The following MAU2 variants were observed in gnomAD, a reference collection of about 807,000 sequenced individuals.
MAU2 encodes MAU2 chromatid cohesion factor homolog.
Under a neutral mutation model 89.1 loss-of-function variants are expected in MAU2, and 9 were observed. The observed-to-expected ratio is 0.10, with a 90% confidence interval of 0.06 to 0.18. The LOEUF (loss-of-function observed/expected upper bound fraction) is 0.18, where lower values mean the gene tolerates loss of function less well. Ranked by LOEUF, MAU2 falls within the 10% of genes least tolerant of loss-of-function variation. The pLI is 1.00. For missense variants in MAU2, 425 were observed against 803.5 expected (o/e 0.53, Z 5.69); for synonymous variants, 357 against 343.4 (o/e 1.04, Z -0.44).
At chr19:19,344,585 G>T in intron 10 of MAU2, 1 of 550,734 alleles carries the variant, frequency 1.8e-6, no homozygotes, top group Non-Finnish European at 3.3e-6. Context: ...GGGCATGGGG[G>T]CCCTCAGTAG....
rs1044635875 is a variant in MAU2 at position 19,334,294 on chromosome 19, A to G, written c.277-1424A>G. On this transcript the variant is annotated intron_variant, in intron 1 of 18. Coordinates refer to ENST00000262815, the MANE Select transcript of MAU2 (RefSeq NM_015329.4). ...CACAAGAGGGGACCACAGGAGGCAGACGCTTGGGCTGGCAGAGGGCCTGTG... is the reference window on the plus strand; with the variant it reads ...CACAAGAGGGGACCACAGGAGGCAGGCGCTTGGGCTGGCAGAGGGCCTGTG... 35 of 985,336 alleles carry G rather than the reference A, an allele frequency of 3.6e-5. No individual in the cohort carries two copies. In the Admixed American group the frequency reaches 1.7e-3, roughly 48 times the overall value. 61.0% of individuals were successfully genotyped at this position (985,336 alleles called of 1,614,324 possible). A position where few individuals can be genotyped will look rare whatever the true frequency, so the allele number is the denominator to read the frequency against.
Position 19,343,824 on chromosome 19 carries a change from C to G in MAU2, c.974-13C>G. The G allele has an allele frequency of 6.2e-7, 1 of 1,605,218 alleles. No homozygotes were observed. The highest frequency in any genetic ancestry group is 8.5e-7 in the Non-Finnish European group (1 of 1,172,682). On this transcript the variant is annotated splice_polypyrimidine_tract_variant and intron_variant, in intron 9 of 18. Coordinates refer to ENST00000262815, the MANE Select transcript of MAU2 (RefSeq NM_015329.4). ...GCCTCCCCTGCATGCTTACCCCTGA[C>G]TCTCACCCATAGTGCTGGACTGCAG...
intron 7 of MAU2, 56 bp downstream of exon 7, chr19:19,341,463 C>T: frequency 1.2e-6 from 2 of 1,600,020 alleles, no homozygotes; most frequent in Non-Finnish European, 1.7e-6. Context: ...ATGGGTGGTA[C>T]CCAGGCCAAT....
chr19:19,343,538 C>T (rs2061670076), intron 9 of MAU2, among the ~76,000 whole-genome samples: 1 of 152,200 alleles, frequency 6.6e-6, no homozygotes, highest in African/African-American at 2.4e-5. Context: ...TTCCACATTT[C>T]TACATTTCTA....
At chr19:19,347,437 C>A (rs1006140731) in intron 13 of MAU2, 71 bp downstream of exon 13, 2 of 1,255,892 alleles carry the variant, frequency 1.6e-6, no homozygotes, top group African/African-American at 1.5e-5. Flanking sequence ...AGGGGGTTGT[C>A]CTGGGCACCA....
intron 1 of MAU2, among the ~76,000 whole-genome samples, chr19:19,332,486 A>T (rs2061563822): frequency 6.6e-6 from 1 of 152,082 alleles, no homozygotes; most frequent in Non-Finnish European, 1.5e-5. Flanking sequence ...AAGCGCTAGG[A>T]TGTAATTTCT....
At chr19:19,324,089 A>G (rs1308258428) in intron 1 of MAU2, among the ~76,000 whole-genome samples, 2 of 152,224 alleles carry the variant, frequency 1.3e-5, no homozygotes, top group Admixed American at 1.3e-4. Flanking sequence ...ACGTAAGCCT[A>G]GGTTTTCATG....
chr19:19,321,219 G>C (rs1485854720), intron 1 of MAU2, 84 bp downstream of exon 1: 1 of 1,384,734 alleles, frequency 7.2e-7, no homozygotes, highest in East Asian at 2.9e-5. Flanking sequence ...GGCGGGTGGG[G>C]GGCCGCTCCT....
At chr19:19,335,991 A>G (rs1424076367) in intron 2 of MAU2, 131 bp from the exon 3 acceptor site, 3 of 748,630 alleles carry the variant, frequency 4.0e-6, no homozygotes, top group Non-Finnish European at 4.6e-6. Context: ...GGAACAGGAA[A>G]ACTTGGAATT....
intron 1 of MAU2, 21 bp downstream of exon 1, chr19:19,321,156 G>C: frequency 6.4e-7 from 1 of 1,562,632 alleles, no homozygotes; most frequent in East Asian, 2.4e-5. Flanking sequence ...GCCGGGCCGC[G>C]AGGGAGGAGT....
Position 19,345,296 on chromosome 19 carries a change from T to C in MAU2, c.1156-8T>C, listed in dbSNP as rs2061684053. On this transcript the variant is annotated splice_region_variant and splice_polypyrimidine_tract_variant and intron_variant, in intron 11 of 18. Transcript: ENST00000262815. The surrounding 1 kb of genome is among the most constrained non-coding windows in gnomAD (Gnocchi z 4.9). ...GCCGGCCCTGATGACAACACCACCT[T>C]CTTCCAGGGCCTGTACTGTGTCTCT... is the stretch of plus-strand genomic sequence containing the variant. The C allele has an allele frequency of 6.2e-7, 1 of 1,613,208 alleles. No homozygotes were observed. Among genetic ancestry groups the C allele is most frequent in the East Asian group, 2.2e-5 (1 of 44,858 alleles).
intron 5 of MAU2, among the ~76,000 whole-genome samples, chr19:19,339,438 T>C (rs1164367001): frequency 6.7e-6 from 1 of 149,012 alleles, no homozygotes; most frequent in Non-Finnish European, 1.5e-5. Context: ...AGAGCGAGAC[T>C]CCGTCTCAAA....
chr19:19,345,008 C>T lies in MAU2; in HGVS notation c.1155+82C>T. On this transcript the variant is annotated intron_variant, in intron 11 of 18. Transcript: ENST00000262815. The surrounding 1 kb of genome is among the most constrained non-coding windows in gnomAD (Gnocchi z 4.9). Reference sequence around the variant, plus strand: ...TACCTAACCAGATCCAGAACATTCCCAGTGAAGGACCCCCTGACAGCACCC... The same window carrying T: ...TACCTAACCAGATCCAGAACATTCCTAGTGAAGGACCCCCTGACAGCACCC... 1 of 1,261,874 alleles carries T rather than the reference C, an allele frequency of 7.9e-7. No homozygotes were observed. The highest frequency in any genetic ancestry group is 2.4e-5 in the East Asian group (1 of 41,380). 78.2% of individuals were successfully genotyped at this position (1,261,874 alleles called of 1,614,324 possible).
chr19:19,334,102 C>A, intron 1 of MAU2: 1 of 928,154 alleles, frequency 1.1e-6, no homozygotes, highest in African/African-American at 1.8e-5. Context: ...GATGCAGCAG[C>A]TTCTGTGGAA....
intron 9 of MAU2, 107 bp downstream of exon 9, chr19:19,342,973 C>T: frequency 8.5e-7 from 1 of 1,178,310 alleles, no homozygotes. Context: ...ACCGCAGCGC[C>T]CAGCCACCCT....
chr19:19,344,193 C>T (rs1429818873), intron 10 of MAU2: 4 of 457,738 alleles, frequency 8.7e-6, no homozygotes, highest in Non-Finnish European at 1.6e-5. Flanking sequence ...GGGTGGATCA[C>T]TTGAGGCCAG....
At chr19:19,334,114 A>C (rs1339421633) in intron 1 of MAU2, 1 of 969,360 alleles carries the variant, frequency 1.0e-6, no homozygotes, top group Non-Finnish European at 1.2e-6. Context: ...TCTGTGGAAA[A>C]AAGCCCCCAA....
rs151003145 is a variant in MAU2 at position 19,345,360 on chromosome 19, G to C, written c.1212G>C (p.Thr404=). The change falls in exon 12 of 19, where the codon ACG becomes ACC. Residue 404 remains threonine, a synonymous_variant. Coordinates refer to ENST00000262815, the MANE Select transcript of MAU2 (RefSeq NM_015329.4). The surrounding 1 kb of genome is among the most constrained non-coding windows in gnomAD (Gnocchi z 4.9). ...CMDNAEAQFT[T]ALRLTNHQEL... ...ACAACGCGGAAGCCCAGTTCACCAC[G>C]GCCCTGCGGGTAAGGTGCCGGCCCT... The C allele has an allele frequency of 1.9e-6, 3 of 1,613,758 alleles. No individual in the cohort carries two copies. The highest frequency in any genetic ancestry group is 2.5e-6 in the Non-Finnish European group (3 of 1,179,986).
intron 1 of MAU2, among the ~76,000 whole-genome samples, chr19:19,335,154 C>T (rs1218226787): frequency 6.6e-6 from 1 of 152,210 alleles, no homozygotes; most frequent in Non-Finnish European, 1.5e-5. Flanking sequence ...TCCCGCAGTT[C>T]TGCCTGTGTC....
Sources: gnomAD v4.1 joint callset for allele counts (sites outside exome capture counted in the v4.1 genomes callset) on GRCh38, gnomAD v4.1.1 for gene constraint, Gnocchi (gnomAD v3.1) non-coding constraint, MANE v1.5 for transcripts, NCBI Gene and HGNC (gene_info 2026-07-23, HGNC 2026-07-21) for gene names.